PSD3: variants seen among roughly 807,000 people sequenced by gnomAD.
PSD3 encodes the protein PH and SEC7 domain-containing protein 3.
Under a neutral mutation model 105.5 loss-of-function variants are expected in PSD3, and 49 were observed. That is an observed-to-expected ratio of 0.46 (90% CI 0.37 to 0.59). The LOEUF (loss-of-function observed/expected upper bound fraction) is 0.59. PSD3 is among the 20% of genes least tolerant of loss of function. The pLI is 0.00. For synonymous variants in PSD3, 557 were observed against 457.8 expected, an observed-to-expected ratio of 1.22 and a Z score of -2.77; for missense variants, 1,561 against 1,263.8, an observed-to-expected ratio of 1.24 and a Z score of -3.57.
intron 2 of PSD3, among the ~76,000 whole-genome samples, chr8:18,910,339 G>C (rs533879333): frequency 8.0e-4 from 110 of 137,076 alleles, no homozygotes; most frequent in Non-Finnish European, 1.4e-3. Flanking sequence ...CCTTTGTAGG[G>C]ACATGGATGA....
chr8:18,621,635 C>T (rs149495821), intron 11 of PSD3, among the ~76,000 whole-genome samples: 28 of 152,286 alleles, frequency 1.8e-4, no homozygotes, highest in African/African-American at 6.0e-4. Flanking sequence ...TGCTCCTGCG[C>T]GTTCACATGG....
chr8:18,613,333 A>C (rs376060809), intron 11 of PSD3, among the ~76,000 whole-genome samples: 16 of 152,036 alleles, frequency 1.1e-4, no homozygotes, highest in African/African-American at 3.1e-4. Context: ...GGAAGTTTGC[A>C]CTGTTTGCAG....
chr8:18,566,543 AAAAATTC>A (rs1801771643), intron 14 of PSD3, among the ~76,000 whole-genome samples: 5 of 105,712 alleles, frequency 4.7e-5, no homozygotes, highest in African/African-American at 1.2e-4. Flanking sequence ...AAAAAAAAAA[AAAAATTC>A]CTTAAAAACA....
chr8:18,856,493 T>A (rs746947240), intron 4 of PSD3, among the ~76,000 whole-genome samples: 10 of 152,206 alleles, frequency 6.6e-5, no homozygotes, highest in Non-Finnish European at 1.3e-4. Flanking sequence ...TAATACTACG[T>A]GCTGAATCCT....
At chr8:18,918,936 C>T (rs895835291) in intron 2 of PSD3, among the ~76,000 whole-genome samples, 1 of 152,076 alleles carries the variant, frequency 6.6e-6, no homozygotes, top group African/African-American at 2.4e-5. Flanking sequence ...TTTTAATAAT[C>T]CTCTAAAGCT....
rs3739398 is a variant in PSD3, at chr8:18,528,727, C to T, written c.*7016G>A. 0.28 allele frequency: 42,078 copies of T among 152,422 alleles called. 7,638 individuals carry two copies. Among genetic ancestry groups the T allele is most frequent in the African/African-American group, 0.52 (21,503 of 41,406 alleles). The allele number at this position is 152,422 out of a possible 1,614,324, so 9.4% of individuals were successfully genotyped here. A position where few individuals can be genotyped will look rare whatever the true frequency, so the allele number is the denominator to read the frequency against. On this transcript the variant is annotated 3_prime_UTR_variant, in exon 16 of 16. Coordinates refer to ENST00000327040, the MANE Select transcript of PSD3 (RefSeq NM_015310.4). ...TTGGGCTGGGACTCTTCTAGGAGCG[C>T]CTGAAGACTTATTTATGGCGACCGA... is the stretch of plus-strand genomic sequence containing the variant.
Position 18,865,262 on chromosome 8 carries a change from ATATATATATATATATATATATATATTTTT to A in PSD3, c.1634+2383_1634+2411del, listed in dbSNP as rs1816798072. ...TATATATATATATATATATATATATATATATATATATATATATATATATATTTTTTTTTTTTTTTTTTTTTTTAAAGGCT... is the reference window on the plus strand; with the variant it reads ...TATATATATATATATATATATATATATTTTTTTTTTTTTTTTTTAAAGGCT... On this transcript the variant is annotated intron_variant, in intron 4 of 15. Transcript: ENST00000327040. The A allele has an allele frequency of 1.7e-3, 6 of 3,582 alleles. 2 individuals carry two copies. Among genetic ancestry groups the A allele is most frequent in the South Asian group, 0.014 (1 of 72 alleles). 0.2% of individuals were successfully genotyped at this position (3,582 alleles called of 1,614,324 possible).
rs1284222594 is a variant in PSD3, at chr8:18,925,388, A to AGT, written c.130+10644_130+10645dup. The stretch of plus-strand genomic sequence containing the variant: ...ACACTTCCAGGCAACTATCTCTAAA[A>AGT]GTATATATATATATATATACACACA... On this transcript the variant is annotated intron_variant, in intron 2 of 15. Transcript: ENST00000327040. 3.4e-5 allele frequency among the ~76,000 whole-genome samples: 5 copies of AGT among 145,378 alleles called. No homozygotes were observed. The East Asian group carries it at 1.0e-3, about 30-fold the overall frequency.
chr8:18,596,697 A>G (rs1303243125), intron 12 of PSD3, among the ~76,000 whole-genome samples: 4 of 152,092 alleles, frequency 2.6e-5, no homozygotes, highest in African/African-American at 9.7e-5. Context: ...GTTATGAACA[A>G]TTATACACCA....
intron 1 of PSD3, among the ~76,000 whole-genome samples, chr8:19,051,745 G>A (rs1304829041): frequency 6.6e-6 from 1 of 152,126 alleles, no homozygotes; most frequent in Non-Finnish European, 1.5e-5. Context: ...CTGCTGGCAG[G>A]GGTTACATTT....
chr8:18,785,776 T>C (rs1809084994), intron 8 of PSD3, among the ~76,000 whole-genome samples: 1 of 152,186 alleles, frequency 6.6e-6, no homozygotes, highest in Non-Finnish European at 1.5e-5. Flanking sequence ...GAGGCCATTC[T>C]AAGGCTATTA....
chr8:18,550,477 G>C (rs1400947044), intron 15 of PSD3, among the ~76,000 whole-genome samples: 1 of 152,088 alleles, frequency 6.6e-6, no homozygotes, highest in African/African-American at 2.4e-5. Flanking sequence ...TCTTTGACTT[G>C]CAATAGGGTT....
chr8:18,618,295 C>T (rs553358816), intron 11 of PSD3, among the ~76,000 whole-genome samples: 3 of 149,174 alleles, frequency 2.0e-5, no homozygotes, highest in African/African-American at 7.3e-5. Context: ...ATGTCTTTGC[C>T]TATAACTTTG....
chr8:18,817,239 G>T (rs1812290889), intron 4 of PSD3, among the ~76,000 whole-genome samples: 1 of 152,212 alleles, frequency 6.6e-6, no homozygotes, highest in Non-Finnish European at 1.5e-5. Flanking sequence ...ATTTACAAAA[G>T]GTTATTAGTA....
intron 1 of PSD3, among the ~76,000 whole-genome samples, chr8:19,012,162 A>C (rs1826980477): frequency 6.7e-6 from 1 of 149,426 alleles, no homozygotes. Flanking sequence ...TCTTGATACC[A>C]CTCTACTCCT....
At chr8:18,834,623 C>T (rs1813948836) in intron 4 of PSD3, among the ~76,000 whole-genome samples, 1 of 152,144 alleles carries the variant, frequency 6.6e-6, no homozygotes, top group Non-Finnish European at 1.5e-5. Flanking sequence ...TGCACTTAAA[C>T]TATGACTGGG....
At chr8:18,873,060 G>T (rs1211025061) in intron 2 of PSD3, among the ~76,000 whole-genome samples, 1 of 152,104 alleles carries the variant, frequency 6.6e-6, no homozygotes, top group Non-Finnish European at 1.5e-5. Flanking sequence ...TTACAATAAG[G>T]ATATGTACCA....
At chr8:18,582,378 T>C (rs1802876626) in intron 12 of PSD3, among the ~76,000 whole-genome samples, 1 of 152,134 alleles carries the variant, frequency 6.6e-6, no homozygotes, top group South Asian at 2.1e-4. Flanking sequence ...TCTCTTAACA[T>C]CTCTGGTACC....
At chr8:18,761,454 T>G (rs777400512) in intron 9 of PSD3, among the ~76,000 whole-genome samples, 18 of 152,198 alleles carry the variant, frequency 1.2e-4, no homozygotes, top group Admixed American at 1.2e-3. Flanking sequence ...ACTTACTATA[T>G]GTGAGGACTC....
Sources: allele counts gnomAD v4.1 joint callset (sites outside exome capture counted in the v4.1 genomes callset), GRCh38; gene constraint gnomAD v4.1.1; transcripts MANE v1.5; gene names NCBI Gene and HGNC (gene_info 2026-07-23, HGNC 2026-07-21).